Variants in GLIS1 observed in about 807,000 individuals in gnomAD.
GLIS1 encodes zinc finger protein GLIS1.
GLIS1 carries 24 observed loss-of-function variants against 63.8 expected under a neutral mutation model. The ratio of observed to expected loss-of-function variants is 0.38; its 90% CI spans 0.27 to 0.53. The LOEUF (loss-of-function observed/expected upper bound fraction) is 0.53, where lower values mean the gene tolerates loss of function less well. Ranked by LOEUF, GLIS1 falls within the 20% of genes least tolerant of loss-of-function variation. The pLI, the probability that GLIS1 is intolerant of heterozygous loss-of-function variation, is 0.85. For synonymous variants in GLIS1, 450 were observed against 482.5 expected, an observed-to-expected ratio of 0.93 and a Z score of 0.88; for missense variants, 1,036 against 1,074.1, an observed-to-expected ratio of 0.96 and a Z score of 0.50.
intron 4 of GLIS1, among the ~76,000 whole-genome samples, chr1:53,580,788 T>C (rs1645077261): frequency 6.6e-6 from 1 of 152,168 alleles, no homozygotes; most frequent in Non-Finnish European, 1.5e-5. Flanking sequence ...AAAATAGCTG[T>C]TTTTGGATGG....
rs373622025 is a variant in GLIS1, at chr1:53,570,563, G to A, written c.1320+23545C>T. On this transcript the variant is annotated intron_variant, in intron 4 of 10. Transcript: ENST00000628545. Reference sequence around the variant, plus strand: ...CTAGATACTAGCAAAAACTTTTTATGAAACTATGGTAATTAATGTGCTGTG... The same window carrying A: ...CTAGATACTAGCAAAAACTTTTTATAAAACTATGGTAATTAATGTGCTGTG... 3.3e-5 allele frequency among the ~76,000 whole-genome samples: 5 copies of A among 152,242 alleles called. No individual in the cohort carries two copies. The East Asian group carries it at 9.7e-4, about 29-fold the overall frequency.
chr1:53,518,112 AGCAG>A (rs1644370647), intron 7 of GLIS1, among the ~76,000 whole-genome samples: 2 of 152,182 alleles, frequency 1.3e-5, no homozygotes, highest in South Asian at 4.1e-4. Flanking sequence ...AGAAGAACCC[AGCAG>A]GCCGGATCCT....
intron 2 of GLIS1, among the ~76,000 whole-genome samples, chr1:53,604,020 C>A (rs1460386036): frequency 6.6e-6 from 1 of 152,228 alleles, no homozygotes; most frequent in Non-Finnish European, 1.5e-5. Flanking sequence ...TCTCATCAAG[C>A]CTCAATGTTC....
At chr1:53,597,263 C>G (rs1436530863) in intron 3 of GLIS1, among the ~76,000 whole-genome samples, 14 of 141,176 alleles carry the variant, frequency 9.9e-5, no homozygotes, top group Admixed American at 9.4e-4. Flanking sequence ...GTCCCAGCTA[C>G]TCGGGAGCCT....
rs1052340591 is a variant in GLIS1 at position 53,737,986 on chromosome 1, G to A, written c.79C>T (p.Pro27Ser). 2 of 1,230,326 alleles carry A rather than the reference G, an allele frequency of 1.6e-6. No homozygotes were observed. Among genetic ancestry groups the A allele is most frequent in the Non-Finnish European group, 2.0e-6 (2 of 987,082 alleles). 76.2% of individuals were successfully genotyped at this position (1,230,326 alleles called of 1,614,324 possible). Reference protein sequence around the residue: ...APGAPGPDRGPASLGAHMAFR... With the variant: ...APGAPGPDRGSASLGAHMAFR... ...GCCATGTGCGCGCCGAGGCTGGCGGGGCCGCGGTCGGGGCCGGGCGCACCA... is the reference window on the plus strand; with the variant it reads ...GCCATGTGCGCGCCGAGGCTGGCGGAGCCGCGGTCGGGGCCGGGCGCACCA... The change falls in exon 2 of 11, where the codon CCC (proline) becomes TCC (serine). Residue 27 changes from proline (P) to serine (S), a missense_variant. Physicochemically the swap from Pro to Ser is moderately conservative, Grantham distance 74. Transcript: ENST00000628545.
At chr1:53,699,926 G>T (rs903245237) in intron 2 of GLIS1, among the ~76,000 whole-genome samples, 2 of 152,158 alleles carry the variant, frequency 1.3e-5, no homozygotes, top group African/African-American at 2.4e-5. Flanking sequence ...TCATATTGGT[G>T]GTTAGGGTTT....
intron 2 of GLIS1, among the ~76,000 whole-genome samples, chr1:53,614,536 T>C (rs996184355): frequency 8.5e-5 from 13 of 152,142 alleles, no homozygotes; most frequent in African/African-American, 3.1e-4. Context: ...CTGGGTGTTA[T>C]TCCAGTGTGG....
intron 2 of GLIS1, among the ~76,000 whole-genome samples, chr1:53,621,454 C>T (rs3006901): frequency 0.87 from 132,086 of 152,322 alleles, 60,082 homozygotes; most frequent in East Asian, 1. Context: ...GGTGGGCCAA[C>T]TTGATGAACA....
chr1:53,729,717 A>C (rs1646840948), intron 2 of GLIS1, among the ~76,000 whole-genome samples: 1 of 152,196 alleles, frequency 6.6e-6, no homozygotes, highest in Admixed American at 6.5e-5. Context: ...TCTTCGAGAT[A>C]CTTGAAACTG....
chr1:53,711,469 T>C (rs1646645993), intron 2 of GLIS1, among the ~76,000 whole-genome samples: 2 of 152,268 alleles, frequency 1.3e-5, no homozygotes, highest in Admixed American at 6.5e-5. Flanking sequence ...AAAGCCTCTG[T>C]GCCTTCCTGC....
intron 2 of GLIS1, among the ~76,000 whole-genome samples, chr1:53,678,395 C>A (rs1301197033): frequency 1.3e-5 from 2 of 151,628 alleles, no homozygotes; most frequent in Non-Finnish European, 2.9e-5. Context: ...GCTGTTCAAC[C>A]TCCACACAGA....
intron 4 of GLIS1, among the ~76,000 whole-genome samples, chr1:53,561,007 C>G (rs1644886890): frequency 6.6e-6 from 1 of 152,154 alleles, no homozygotes; most frequent in East Asian, 1.9e-4. Context: ...GACCAAGCCC[C>G]TACTGTGTGC....
chr1:53,668,062 G>A (rs746226485), intron 2 of GLIS1, among the ~76,000 whole-genome samples: 2 of 152,178 alleles, frequency 1.3e-5, no homozygotes, highest in Admixed American at 6.5e-5. Flanking sequence ...CCTGCCCACC[G>A]CAGCATCTGC....
rs187411009 is a variant in GLIS1 at position 53,616,218 on chromosome 1, G to A, written c.260-15940C>T. ...TAGAGCCCCATATAAGCCCCTGCCC[G>A]GCCTAAATTTTCAGGGAGCGACAGC... On this transcript the variant is annotated intron_variant, in intron 2 of 10. Coordinates refer to ENST00000628545, the MANE Select transcript of GLIS1 (RefSeq NM_001367484.1). Among the ~76,000 whole-genome samples the A allele has an allele frequency of 4.6e-5, 7 of 152,204 alleles. No individual in the cohort carries two copies. In the South Asian group the frequency reaches 6.2e-4, roughly 14 times the overall value.
intron 2 of GLIS1, among the ~76,000 whole-genome samples, chr1:53,664,403 A>T (rs1646065683): frequency 6.6e-6 from 1 of 152,242 alleles, no homozygotes; most frequent in Non-Finnish European, 1.5e-5. Context: ...AATATTTATC[A>T]AATGGACATA....
At chr1:53,522,505 G>A (rs1056373697) in intron 6 of GLIS1, among the ~76,000 whole-genome samples, 2 of 152,226 alleles carry the variant, frequency 1.3e-5, no homozygotes, top group African/African-American at 2.4e-5. Flanking sequence ...CTCAACCTGA[G>A]AGCAGTGAAC....
intron 2 of GLIS1, among the ~76,000 whole-genome samples, chr1:53,713,097 C>A (rs554216347): frequency 6.6e-6 from 1 of 152,224 alleles, no homozygotes; most frequent in African/African-American, 2.4e-5. Flanking sequence ...AAAGTATAAA[C>A]GGAGACAGAG....
chr1:53,682,036 T>G (rs1192535648), intron 2 of GLIS1, among the ~76,000 whole-genome samples: 2 of 152,210 alleles, frequency 1.3e-5, no homozygotes, highest in South Asian at 2.1e-4. Context: ...ATTCGTTGGC[T>G]CTTAGAAAAT....
intron 5 of GLIS1, among the ~76,000 whole-genome samples, chr1:53,528,836 T>C (rs1485230615): frequency 4.6e-5 from 7 of 152,104 alleles, no homozygotes. Context: ...CCCAAACACC[T>C]GCAGGAAGCA....
Sources: allele counts gnomAD v4.1 joint callset (sites outside exome capture counted in the v4.1 genomes callset), GRCh38; gene constraint gnomAD v4.1.1; transcripts MANE v1.5; gene names NCBI Gene and HGNC (gene_info 2026-07-23, HGNC 2026-07-21).